The following TRIO variants were observed in gnomAD, a reference collection of about 807,000 sequenced individuals.
TRIO encodes trio Rho guanine nucleotide exchange factor, also known as triple functional domain protein.
In TRIO, 58 loss-of-function variants were observed where a neutral mutation model predicts 351.9. That is an observed-to-expected ratio of 0.16 (90% confidence interval 0.13 to 0.21). TRIO has a LOEUF of 0.21. Among genes scored for constraint, TRIO ranks in the 10% least tolerant of loss-of-function variants. TRIO has a pLI of 1.00. For synonymous variants in TRIO, 1,758 were observed against 1,595.7 expected (o/e 1.10, Z -2.42); for missense variants, 3,201 against 4,027.8 (o/e 0.79, Z 5.56).
At chr5:14,331,003 T>G (rs892558434) in intron 10 of TRIO, 103 bp downstream of exon 10, 12 of 1,524,604 alleles carry the variant, frequency 7.9e-6, no homozygotes, top group Non-Finnish European at 9.8e-6. Context: ...TAGCTCGATG[T>G]GTTTGACACC....
chr5:14,371,831 G>T (rs983442159), intron 18 of TRIO, among the ~76,000 whole-genome samples: 1 of 151,632 alleles, frequency 6.6e-6, no homozygotes, highest in South Asian at 2.1e-4. Flanking sequence ...TTGTAGTAAT[G>T]GAGTCTCCTT....
intron 11 of TRIO, among the ~76,000 whole-genome samples, chr5:14,350,663 CCT>C (rs1047792557): frequency 1.1e-4 from 16 of 152,226 alleles, no homozygotes; most frequent in African/African-American, 3.9e-4. Flanking sequence ...TGAATATGCC[CCT>C]GTGTTTCTTC....
At chr5:14,217,041 A>G (rs562770885) in intron 1 of TRIO, among the ~76,000 whole-genome samples, 1 of 152,330 alleles carries the variant, frequency 6.6e-6, no homozygotes, top group Admixed American at 6.5e-5. Context: ...GTGGTCTGGT[A>G]TGTGAGCAGA....
At chr5:14,441,783 A>G (rs1448280457) in intron 34 of TRIO, among the ~76,000 whole-genome samples, 1 of 152,192 alleles carries the variant, frequency 6.6e-6, no homozygotes, top group Admixed American at 6.5e-5. Flanking sequence ...ATGTCCTAAC[A>G]TATTTAGACT....
intron 1 of TRIO, among the ~76,000 whole-genome samples, chr5:14,177,008 AGGTAAGCACAAACAACCT>A (rs1244487043): frequency 6.6e-6 from 1 of 152,246 alleles, no homozygotes; most frequent in African/African-American, 2.4e-5. Context: ...GAATATTCTT[AGGTAAGCACAAACAACCT>A]GTTTTCAAAC....
chr5:14,477,669 T>A (rs1755185638), intron 41 of TRIO, among the ~76,000 whole-genome samples: 1 of 152,230 alleles, frequency 6.6e-6, no homozygotes, highest in Non-Finnish European at 1.5e-5. Flanking sequence ...AACCTACCCA[T>A]GAACTTCTCC....
At chr5:14,277,103 C>T (rs1581508724) in intron 2 of TRIO, among the ~76,000 whole-genome samples, 1 of 152,216 alleles carries the variant, frequency 6.6e-6, no homozygotes, top group African/African-American at 2.4e-5. Flanking sequence ...GCCAGTCTCA[C>T]TGGGCATGGA....
chr5:14,367,304 C>T (rs1744689315), intron 16 of TRIO, among the ~76,000 whole-genome samples: 1 of 152,242 alleles, frequency 6.6e-6, no homozygotes, highest in Non-Finnish European at 1.5e-5. Flanking sequence ...TCTGGAATGG[C>T]TCAGAACCGA....
At chr5:14,322,974 AGTG>A (rs1403683544) in intron 9 of TRIO, among the ~76,000 whole-genome samples, 2 of 152,148 alleles carry the variant, frequency 1.3e-5, no homozygotes, top group Non-Finnish European at 2.9e-5. Context: ...CTTCTGCAGT[AGTG>A]AGCACAGAGG....
In TRIO at chr5:14,255,399, A is replaced by G. The variant is rs193269310; in HGVS notation, c.158-15426A>G. Among the ~76,000 whole-genome samples the G allele has an allele frequency of 3.9e-5, 6 of 152,350 alleles. No homozygotes were observed. In the East Asian group the frequency reaches 9.6e-4, roughly 24 times the overall value. On this transcript the variant is annotated intron_variant, in intron 1 of 56. Coordinates refer to ENST00000344204, the MANE Select transcript of TRIO (RefSeq NM_007118.4). ...GAGACAAAACAAATGTTCACTTACA[A>G]GATTGCCAAAATAAGTTCAAGTTGT...
intron 34 of TRIO, among the ~76,000 whole-genome samples, chr5:14,460,685 G>A (rs994890810): frequency 4.6e-5 from 7 of 152,096 alleles, no homozygotes; most frequent in African/African-American, 1.4e-4. Context: ...TCCAATGTCC[G>A]CAGTACCAAT....
intron 49 of TRIO, 90 bp from the exon 50 acceptor site, chr5:14,496,789 T>A: frequency 6.5e-7 from 1 of 1,534,554 alleles, no homozygotes; most frequent in Non-Finnish European, 8.8e-7. Flanking sequence ...CACACATACG[T>A]TGAATATTCA....
At chr5:14,434,169 T>C (rs1751401414) in intron 34 of TRIO, among the ~76,000 whole-genome samples, 1 of 152,220 alleles carries the variant, frequency 6.6e-6, no homozygotes, top group South Asian at 2.1e-4. Context: ...GGCATTAACT[T>C]TGACCATGAC....
chr5:14,301,049 C>A (rs1026004105), intron 7 of TRIO, among the ~76,000 whole-genome samples: 2 of 152,024 alleles, frequency 1.3e-5, no homozygotes, highest in Admixed American at 1.3e-4. Flanking sequence ...GTTGGTGGGA[C>A]CCAGAATAGG....
chr5:14,198,250 G>A (rs1277727427), intron 1 of TRIO, among the ~76,000 whole-genome samples: 2 of 152,056 alleles, frequency 1.3e-5, no homozygotes, highest in Non-Finnish European at 2.9e-5. Flanking sequence ...ATTCTATCTT[G>A]TGATGTGATG....
At chr5:14,144,407 C>T (rs1000274555) in intron 1 of TRIO, among the ~76,000 whole-genome samples, 2 of 152,224 alleles carry the variant, frequency 1.3e-5, no homozygotes, top group African/African-American at 4.8e-5. Context: ...CTTTGCTTGG[C>T]CCTCTAGCCT....
At chr5:14,154,267 C>T (rs1332138979) in intron 1 of TRIO, among the ~76,000 whole-genome samples, 1 of 152,088 alleles carries the variant, frequency 6.6e-6, no homozygotes, top group Non-Finnish European at 1.5e-5. Context: ...GGAGGTTTCC[C>T]AGCCCTTGCT....
chr5:14,296,920 T>A, intron 6 of TRIO, 152 bp from the exon 7 acceptor site: 1 of 485,696 alleles, frequency 2.1e-6, no homozygotes, highest in Middle Eastern at 5.5e-4. Context: ...AGAGCAAATA[T>A]GTATAATATT....
intron 19 of TRIO, among the ~76,000 whole-genome samples, chr5:14,374,993 T>G (rs373599185): frequency 6.6e-6 from 1 of 152,224 alleles, no homozygotes; most frequent in African/African-American, 2.4e-5. Context: ...AAGTTTAGTT[T>G]TATAGGAAAA....
Sources: gnomAD v4.1 joint callset for allele counts (sites outside exome capture counted in the v4.1 genomes callset) on GRCh38, gnomAD v4.1.1 for gene constraint, MANE v1.5 for transcripts, NCBI Gene and HGNC (gene_info 2026-07-23, HGNC 2026-07-21) for gene names.